RMC1: variants seen among roughly 807,000 people sequenced by gnomAD.
The protein encoded by RMC1 is regulator of MON1-CCZ1 complex.
Under a neutral mutation model 95.5 loss-of-function variants are expected in RMC1, and 44 were observed. That is an observed-to-expected ratio of 0.46 (90% confidence interval 0.36 to 0.59). The LOEUF is 0.59. Ranked by LOEUF, RMC1 falls within the 20% of genes least tolerant of loss-of-function variation. RMC1 has a pLI of 0.00. For missense variants in RMC1, 705 were observed against 819.6 expected (o/e 0.86, Z 1.71); for synonymous variants, 320 against 303.6 (o/e 1.05, Z -0.56).
intron 1 of RMC1, 32 bp from the exon 2 acceptor site, chr18:23,504,339 A>G: frequency 6.2e-7 from 1 of 1,600,272 alleles, no homozygotes; most frequent in South Asian, 1.1e-5. Flanking sequence ...TTCAGAGTTC[A>G]GGCTGTTAAC....
rs139382334 is a variant in RMC1, at chr18:23,504,281, G to C, written c.103-90G>C. 109 of 1,038,370 alleles carry C rather than the reference G, an allele frequency of 1.0e-4. No homozygotes were observed. The East Asian group carries it at 1.8e-3, about 17-fold the overall frequency. The allele number at this position is 1,038,370 out of a possible 1,614,324, so 64.3% of individuals were successfully genotyped here. A position where few individuals can be genotyped will look rare whatever the true frequency, so the allele number is the denominator to read the frequency against. ...TTACTTTAGTTGAACCCAGGGTGGT[G>C]TATAACAGAAATAATCGCTTGCGGG... On this transcript the variant is annotated intron_variant, in intron 1 of 19. Coordinates refer to ENST00000269221, the MANE Select transcript of RMC1 (RefSeq NM_013326.5).
rs930274284 is a variant in RMC1 at position 23,503,530 on chromosome 18, C to T, written c.-89C>T. 5 of 879,254 alleles carry T rather than the reference C, an allele frequency of 5.7e-6. No homozygotes were observed. Among genetic ancestry groups the T allele is most frequent in the Middle Eastern group, 4.0e-4 (1 of 2,480 alleles). 54.5% of individuals were successfully genotyped at this position (879,254 alleles called of 1,614,324 possible). A position where few individuals can be genotyped will look rare whatever the true frequency, so the allele number is the denominator to read the frequency against. On this transcript the variant is annotated 5_prime_UTR_variant, in exon 1 of 20. Transcript: ENST00000269221. ...GGGCCCAGAGCCGCAGCCGCAGCCG[C>T]CGCTACAGTCCGGGCCGGGCTCCAC...
At chr18:23,521,659 A>G (rs2058143474) in intron 10 of RMC1, among the ~76,000 whole-genome samples, 1 of 150,706 alleles carries the variant, frequency 6.6e-6, no homozygotes, top group Non-Finnish European at 1.5e-5. Flanking sequence ...TGATTTTAAG[A>G]TAGAACTGAA....
chr18:23,531,026 G>A (rs192948989), intron 19 of RMC1, among the ~76,000 whole-genome samples: 87 of 151,938 alleles, frequency 5.7e-4, no homozygotes, highest in Middle Eastern at 3.4e-3. Context: ...ACAGAGTCTC[G>A]CTCCGTTGCC....
chr18:23,528,462 G>C (rs1453733133), intron 14 of RMC1: 1 of 153,554 alleles, frequency 6.5e-6, no homozygotes, highest in African/African-American at 2.4e-5. Flanking sequence ...AGGACAAGGA[G>C]AATGAATTAT....
intron 10 of RMC1, among the ~76,000 whole-genome samples, chr18:23,521,771 C>T (rs2058149330): frequency 6.6e-6 from 1 of 151,556 alleles, no homozygotes; most frequent in African/African-American, 2.4e-5. Context: ...AAGATGTCTG[C>T]AGGTTTGCTT....
At chr18:23,505,893 G>A (rs7234958) in intron 2 of RMC1, among the ~76,000 whole-genome samples, 74,179 of 151,904 alleles carry the variant, frequency 0.49, 18,310 homozygotes, top group East Asian at 0.61. Context: ...TAGACTGGGC[G>A]CGGTGGCTCA....
At position 23,531,714 on chromosome 18, in the gene RMC1, C is replaced by T. The variant is rs1373873959; in HGVS notation, c.*10C>T. Reference sequence around the variant, plus strand: ...GCCTACAACATTCTGAAATCACTTGCTGTTTTTTTATATAAAAATGTGTAC... The same window carrying T: ...GCCTACAACATTCTGAAATCACTTGTTGTTTTTTTATATAAAAATGTGTAC... On this transcript the variant is annotated 3_prime_UTR_variant, in exon 20 of 20. Coordinates refer to ENST00000269221, the MANE Select transcript of RMC1 (RefSeq NM_013326.5). 7 of 1,599,794 alleles carry T rather than the reference C, an allele frequency of 4.4e-6. No homozygotes were observed. The highest frequency in any genetic ancestry group is 4.1e-5 in the African/African-American group (3 of 73,928).
Position 23,509,253 on chromosome 18 carries a change from A to G in RMC1, c.382A>G (p.Thr128Ala). 1 of 1,455,632 alleles carries G rather than the reference A, an allele frequency of 6.9e-7. No individual in the cohort carries two copies. Among genetic ancestry groups the G allele is most frequent in the South Asian group, 1.7e-5 (1 of 59,872 alleles). 90.2% of individuals were successfully genotyped at this position (1,455,632 alleles called of 1,614,324 possible). The stretch of plus-strand genomic sequence containing the variant: ...TAGTTCAACTGAAATTGTCTTCATA[A>G]CAGATCAAGGAATCGAATTTTACCA... ...WTSSTEIVFI[T>A]DQGIEFYQVL... The change falls in exon 5 of 20, where the codon ACA becomes GCA. Residue 128 changes from threonine to alanine, a missense_variant. Physicochemically the swap from Thr to Ala is moderately conservative, Grantham distance 58. Transcript: ENST00000269221.
At chr18:23,529,769 C>CA (rs781493119) in intron 16 of RMC1, 57 bp downstream of exon 16, 115 of 1,493,064 alleles carry the variant, frequency 7.7e-5, no homozygotes, top group Non-Finnish European at 8.9e-5. Flanking sequence ...AAAAAAAACA[C>CA]AGTCACTGTC....
In RMC1 at chr18:23,520,206, C is replaced by T. The variant is rs1229210958; in HGVS notation, c.854C>T (p.Ser285Leu). 3.1e-6 allele frequency: 5 copies of T among 1,613,192 alleles called. No individual in the cohort carries two copies. Among genetic ancestry groups the T allele is most frequent in the African/African-American group, 1.3e-5 (1 of 74,858 alleles). ...TCTTGTCTTTTTCCCCCCCAGACAT[C>T]GGTAATATTCGATATCAAGTTACGG... ...VVVHHQDTET[S>L]VIFDIKLRGE... is the part of the protein sequence containing the mutation. The change falls in exon 10 of 20, where the codon TCG (serine) becomes TTG (leucine). Residue 285 changes from serine to leucine, a missense_variant. Transcript: ENST00000269221.
intron 7 of RMC1, among the ~76,000 whole-genome samples, chr18:23,516,700 AG>A: frequency 6.7e-6 from 1 of 149,634 alleles, no homozygotes; most frequent in Non-Finnish European, 1.5e-5. Context: ...TTTATTTCTT[AG>A]TATCTTTGTT....
At chr18:23,518,798 A>G in intron 7 of RMC1, 92 bp from the exon 8 acceptor site, 4 of 1,130,160 alleles carry the variant, frequency 3.5e-6, no homozygotes, top group East Asian at 2.4e-5. Flanking sequence ...CATTAAGTGA[A>G]TATCTTATAA....
At chr18:23,527,673 C>G (rs1006850902) in intron 13 of RMC1, 122 bp from the exon 14 acceptor site, 10 of 409,962 alleles carry the variant, frequency 2.4e-5, no homozygotes, top group Non-Finnish European at 4.1e-5. Flanking sequence ...AGTAGAGTGT[C>G]CTTTAAAGGT....
Position 23,516,053 on chromosome 18 carries a change from T to TA in RMC1, c.549+58dup, listed in dbSNP as rs535162287. The TA allele has an allele frequency of 3.1e-4, 499 of 1,610,452 alleles. 1 individual carries two copies. The East Asian group carries it at 9.0e-3, about 29-fold the overall frequency. ...TTTCCCCAGTTGTCCCCTGTTCCTGTAGCATCCTAATGTGTCAGGCACGTT... is the reference window on the plus strand; with the variant it reads ...TTTCCCCAGTTGTCCCCTGTTCCTGTAAGCATCCTAATGTGTCAGGCACGTT... On this transcript the variant is annotated intron_variant, in intron 6 of 19. Coordinates refer to ENST00000269221, the MANE Select transcript of RMC1 (RefSeq NM_013326.5).
chr18:23,530,551 A>G lies in RMC1; in HGVS notation c.1833A>G (p.Thr611=). 2 of 1,614,222 alleles carry G rather than the reference A, an allele frequency of 1.2e-6. No individual in the cohort carries two copies. The highest frequency in any genetic ancestry group is 1.7e-6 in the Non-Finnish European group (2 of 1,180,034). ...KQTEDNMLFY[T]IFRFFEQRNQ... is the part of the protein sequence containing the mutation. ...CTGAAGACAACATGCTTTTCTATAC[A>G]ATATTCCGCTTTTTTGAACAGCGAA... is the stretch of plus-strand genomic sequence containing the variant. The change falls in exon 19 of 20, where the codon ACA becomes ACG. Residue 611 remains threonine, a synonymous_variant. Transcript: ENST00000269221.
At position 23,516,403 on chromosome 18, in the gene RMC1, A is replaced by C. The variant is rs758328006; in HGVS notation, c.633A>C (p.Arg211Ser). The C allele has an allele frequency of 6.2e-7, 1 of 1,614,232 alleles. No homozygotes were observed. The highest frequency in any genetic ancestry group is 1.7e-5 in the Admixed American group (1 of 60,032). Residue 211 changes from arginine to serine, a missense_variant, in exon 7 of 20, where the codon AGA (arginine) becomes AGC (serine). Transcript: ENST00000269221. ...CAACTAAACCCAGCCTTTCCGAAAG[A>C]GACATCGCAATGGCTACCATGTATG... ...PKSTKPSLSE[R>S]DIAMATIYGQ...
Position 23,530,087 on chromosome 18 carries a change from G to C in RMC1, c.1554G>C (p.Leu518=), listed in dbSNP as rs757672412. 3 of 1,614,046 alleles carry C rather than the reference G, an allele frequency of 1.9e-6. No homozygotes were observed. Among genetic ancestry groups the C allele is most frequent in the African/African-American group, 1.3e-5 (1 of 74,910 alleles). ...TCCAGCACAACCTCTTTTATATGCT[G>C]CATCAGTTCCTGCAGTACCACGTCC... is the stretch of plus-strand genomic sequence containing the variant. ...TLVQHNLFYM[L]HQFLQYHVLS... Residue 518 remains leucine (L), a synonymous_variant, in exon 17 of 20, where the codon CTG becomes CTC. Transcript: ENST00000269221.
intron 1 of RMC1, 146 bp downstream of exon 1, chr18:23,503,866 T>C: frequency 1.5e-6 from 1 of 655,210 alleles, no homozygotes; most frequent in South Asian, 2.9e-5. Flanking sequence ...CGCTCCTTCC[T>C]TGTTGGGTGG....
Sources: allele counts gnomAD v4.1 joint callset (sites outside exome capture counted in the v4.1 genomes callset), GRCh38; gene constraint gnomAD v4.1.1; transcripts MANE v1.5; gene names NCBI Gene and HGNC (gene_info 2026-07-23, HGNC 2026-07-21).